TBC1D8: variants seen among roughly 807,000 people sequenced by gnomAD.
The protein encoded by TBC1D8 is BUB2-like protein 1.
A neutral mutation model predicts 118.8 loss-of-function variants in TBC1D8; 65 were observed. That is an observed-to-expected ratio of 0.55 (90% CI 0.45 to 0.67). TBC1D8 has a LOEUF of 0.67. TBC1D8 is among the 30% of genes least tolerant of loss of function. TBC1D8 has a pLI of 0.00. For synonymous variants in TBC1D8, 566 were observed against 595.8 expected, an observed-to-expected ratio of 0.95 and a Z score of 0.73; for missense variants, 1,376 against 1,471.2, an observed-to-expected ratio of 0.94 and a Z score of 1.06.
At chr2:101,083,876 C>T (rs980785122) in intron 2 of TBC1D8, among the ~76,000 whole-genome samples, 1 of 152,176 alleles carries the variant, frequency 6.6e-6, no homozygotes, top group East Asian at 1.9e-4. Flanking sequence ...GTCAATAACA[C>T]AGTGCAAGAT....
At chr2:101,036,271 G>A (rs6705837) in intron 8 of TBC1D8, 103 bp from the exon 9 acceptor site, 227,340 of 1,353,198 alleles carry the variant, frequency 0.17, 23,881 homozygotes, top group African/African-American at 0.46. Context: ...CCTGCTCTCC[G>A]AGGGGCCAAC....
intron 6 of TBC1D8, among the ~76,000 whole-genome samples, chr2:101,039,236 CA>C (rs1183917172): frequency 5.9e-5 from 9 of 151,896 alleles, no homozygotes; most frequent in African/African-American, 1.2e-4. Context: ...TACACATTAC[CA>C]AAAAAAATTT....
intron 12 of TBC1D8, 73 bp from the exon 13 acceptor site, chr2:101,028,505 G>C: frequency 6.7e-7 from 1 of 1,496,754 alleles, no homozygotes; most frequent in Non-Finnish European, 8.9e-7. Flanking sequence ...CCTTCACAGT[G>C]TCAGACATGC....
intron 15 of TBC1D8, among the ~76,000 whole-genome samples, chr2:101,023,255 A>T (rs538275766): frequency 6.6e-6 from 1 of 151,584 alleles, no homozygotes; most frequent in South Asian, 2.1e-4. Context: ...AACCAGTCTC[A>T]TGCCTCAGCC....
At chr2:101,055,370 C>CA (rs1240338541) in intron 3 of TBC1D8, among the ~76,000 whole-genome samples, 9 of 150,862 alleles carry the variant, frequency 6.0e-5, no homozygotes, top group Admixed American at 5.3e-4. Context: ...ACCTGGATGA[C>CA]AGAGTCCTCA....
chr2:101,041,850 C>T (rs1681403774), intron 5 of TBC1D8, among the ~76,000 whole-genome samples: 1 of 151,866 alleles, frequency 6.6e-6, no homozygotes, highest in Admixed American at 6.6e-5. Context: ...ATGGCAAAAC[C>T]CCATCTCTAC....
chr2:101,079,027 C>A (rs1434163958), intron 2 of TBC1D8, among the ~76,000 whole-genome samples: 1 of 152,184 alleles, frequency 6.6e-6, no homozygotes, highest in Admixed American at 6.5e-5. Context: ...AGGCAGGCAA[C>A]ACACCCACTG....
intron 12 of TBC1D8, chr2:101,028,660 A>C: frequency 4.2e-6 from 2 of 480,334 alleles, no homozygotes; most frequent in Non-Finnish European, 7.3e-6. Context: ...CTCTCCAGTG[A>C]AGTAAGCCCA....
chr2:101,071,975 A>G (rs987642361), intron 2 of TBC1D8, among the ~76,000 whole-genome samples: 7 of 152,226 alleles, frequency 4.6e-5, no homozygotes, highest in Admixed American at 1.3e-4. Flanking sequence ...AAATAATAAG[A>G]CTTGAAAGTC....
intron 5 of TBC1D8, among the ~76,000 whole-genome samples, chr2:101,048,421 C>T (rs777845207): frequency 3.3e-5 from 5 of 152,104 alleles, no homozygotes; most frequent in African/African-American, 4.8e-5. Context: ...CTGCCCCAAG[C>T]GTGTCCTTTC....
intron 1 of TBC1D8, among the ~76,000 whole-genome samples, chr2:101,150,481 A>G (rs548955839): frequency 1.1e-3 from 168 of 152,318 alleles, no homozygotes; most frequent in Non-Finnish European, 1.8e-3. Flanking sequence ...GCTTTGTTTT[A>G]TCATCAACTT....
Position 101,054,401 on chromosome 2 carries a change from G to A in TBC1D8, c.403-65C>T, listed in dbSNP as rs543271988. 4.6e-6 allele frequency: 7 copies of A among 1,512,878 alleles called. No individual in the cohort carries two copies. In the Admixed American group the frequency reaches 9.9e-5, roughly 21 times the overall value. The allele number at this position is 1,512,878 out of a possible 1,614,324, so 93.7% of individuals were successfully genotyped here. On this transcript the variant is annotated intron_variant, in intron 3 of 19. Coordinates refer to ENST00000409318, the MANE Select transcript of TBC1D8 (RefSeq NM_001330348.2). ...CAATGGGAAGGCAGGGGGTGCAAGG[G>A]ACAGGAAGCAGGAGGGACTGAGGTG...
At chr2:101,117,568 C>CT (rs201852112) in intron 1 of TBC1D8, among the ~76,000 whole-genome samples, 1,256 of 119,606 alleles carry the variant, frequency 0.011, 13 homozygotes, top group Non-Finnish European at 0.015. Context: ...GGAGGCAGAA[C>CT]TTTTTTTTTT....
chr2:101,009,827 CTT>C (rs1202991001), intron 19 of TBC1D8, among the ~76,000 whole-genome samples: 1 of 121,838 alleles, frequency 8.2e-6, no homozygotes. Flanking sequence ...GGAGCTTTTT[CTT>C]TTTTTTTTTT....
chr2:101,040,046 G>T, intron 6 of TBC1D8, 132 bp downstream of exon 6: 5 of 994,502 alleles, frequency 5.0e-6, no homozygotes, highest in Non-Finnish European at 7.5e-6. Context: ...GCCCAGCCTT[G>T]GAGTCATCCA....
At chr2:101,078,737 G>A (rs375754519) in intron 2 of TBC1D8, among the ~76,000 whole-genome samples, 13 of 49,466 alleles carry the variant, frequency 2.6e-4, no homozygotes, top group East Asian at 7.9e-4. Flanking sequence ...GGAAAGAAAA[G>A]AAAAACCTTT....
intron 1 of TBC1D8, among the ~76,000 whole-genome samples, chr2:101,129,085 G>A (rs1678472718): frequency 6.6e-6 from 1 of 152,174 alleles, no homozygotes; most frequent in Admixed American, 6.5e-5. Context: ...GGTTAAGATG[G>A]TAAATTTTAT....
chr2:101,033,716 T>C lies in TBC1D8; in HGVS notation c.1646A>G (p.Asn549Ser), dbSNP rs1680820223. The change falls in exon 10 of 20, where the codon AAT (asparagine) becomes AGT (serine). Residue 549 changes from asparagine (N) to serine (S), a missense_variant. Coordinates refer to ENST00000409318, the MANE Select transcript of TBC1D8 (RefSeq NM_001330348.2). ...TTTCCCCAGGGACTCCTCCACCAGA[T>C]TCCCGTAGTAACCAGGGTGTGAGGC... ...DLASHPGYYG[N>S]LVEESLGKCC... is the part of the protein sequence containing the mutation. 1.2e-6 allele frequency: 2 copies of C among 1,613,916 alleles called. No individual in the cohort carries two copies. Among genetic ancestry groups the C allele is most frequent in the Non-Finnish European group, 1.7e-6 (2 of 1,179,842 alleles).
chr2:101,009,197 T>TCCTGGCTAACA (rs373432354), intron 19 of TBC1D8, among the ~76,000 whole-genome samples: 1 of 151,944 alleles, frequency 6.6e-6, no homozygotes, highest in Non-Finnish European at 1.5e-5. Context: ...ATTGAGACCA[T>TCCTGGCTAACA]CCTGGCTAAC....
Sources: gnomAD v4.1 joint callset for allele counts (sites outside exome capture counted in the v4.1 genomes callset) on GRCh38, gnomAD v4.1.1 for gene constraint, MANE v1.5 for transcripts, NCBI Gene and HGNC (gene_info 2026-07-23, HGNC 2026-07-21) for gene names.